GSE1: variants seen among roughly 807,000 people sequenced by gnomAD.
The protein encoded by GSE1 is genetic suppressor element 1.
In GSE1, 32 loss-of-function variants were observed where a neutral mutation model predicts 112.6. That is an observed-to-expected ratio of 0.28 (90% CI 0.21 to 0.38). The LOEUF (loss-of-function observed/expected upper bound fraction) is 0.38, where lower values mean the gene tolerates loss of function less well. GSE1 is among the 10% of genes least tolerant of loss of function. The probability of loss-of-function intolerance (pLI) is 1.00; values close to 1 mark genes in which losing one functional copy is unlikely to be tolerated. For synonymous variants in GSE1, 1,115 were observed against 735.6 expected (o/e 1.52, Z -8.35); for missense variants, 2,348 against 1,699.2 (o/e 1.38, Z -6.71).
At position 85,663,454 on chromosome 16, in the gene GSE1, G is replaced by A. The variant is rs779893256; in HGVS notation, c.2484G>A (p.Ser828=). 3.6e-5 allele frequency: 58 copies of A among 1,613,812 alleles called. 1 individual carries two copies. The highest frequency in any genetic ancestry group is 1.9e-4 in the South Asian group (17 of 91,076). Residue 828 remains serine, a synonymous_variant, in exon 11 of 16, where the codon TCG becomes TCA. Coordinates refer to ENST00000253458, the MANE Select transcript of GSE1 (RefSeq NM_014615.5). ...GGATGCTGCGAGAGAGAAGCCCGTCGCCCCCAACAATTCAGAGCAAGCGGC... is the reference window on the plus strand; with the variant it reads ...GGATGCTGCGAGAGAGAAGCCCGTCACCCCCAACAATTCAGAGCAAGCGGC... The part of the protein sequence containing the change: ...RRRMLRERSP[S]PPTIQSKRQT...
chr16:85,253,009 C>T (rs931571133), intron 1 of GSE1, among the ~76,000 whole-genome samples: 1 of 148,802 alleles, frequency 6.7e-6, no homozygotes, highest in African/African-American at 2.5e-5. Flanking sequence ...CCACTCCCCA[C>T]AGCTTGTAAG....
intron 2 of GSE1, among the ~76,000 whole-genome samples, chr16:85,433,977 G>C (rs1487411590): frequency 6.6e-6 from 1 of 152,160 alleles, no homozygotes; most frequent in African/African-American, 2.4e-5. Context: ...CTAGTGGAAA[G>C]GGGGACTAAC....
intron 2 of GSE1, among the ~76,000 whole-genome samples, chr16:85,432,953 C>G (rs949948245): frequency 6.6e-6 from 1 of 152,080 alleles, no homozygotes; most frequent in Non-Finnish European, 1.5e-5. Flanking sequence ...GATCTGGCAT[C>G]CAGAGGCCTA....
In GSE1 at chr16:85,602,692, C is replaced by G. The variant is rs369714689; in HGVS notation, c.38-45860C>G. On this transcript the variant is annotated intron_variant, in intron 1 of 2. Coordinates refer to the GSE1 transcript ENST00000635906. ...GGACCACGAAGCCAGAGGAAAGCCC[C>G]TCACCCAGCCTGAGGACAGCCGGTT... Among the ~76,000 whole-genome samples, 6 of 152,346 alleles carry G rather than the reference C, an allele frequency of 3.9e-5. No homozygotes were observed. The East Asian group carries it at 1.2e-3, about 29-fold the overall frequency.
At chr16:85,343,201 C>T (rs1274800471) in intron 1 of GSE1, among the ~76,000 whole-genome samples, 1 of 152,212 alleles carries the variant, frequency 6.6e-6, no homozygotes, top group Non-Finnish European at 1.5e-5. Flanking sequence ...GTGCACAGGG[C>T]AACCTGGGTG....
intron 2 of GSE1, among the ~76,000 whole-genome samples, chr16:85,443,161 T>TG (rs1449944401): frequency 2.0e-5 from 3 of 152,136 alleles, no homozygotes; most frequent in African/African-American, 4.8e-5. Flanking sequence ...TGAATGTGGT[T>TG]GGGGGGGCAC....
intron 1 of GSE1, among the ~76,000 whole-genome samples, chr16:85,614,045 C>T (rs948878838): frequency 6.6e-5 from 10 of 150,928 alleles, no homozygotes; most frequent in Non-Finnish European, 1.3e-4. Context: ...CGCTTCTCTC[C>T]TCTCTCTCCC....
chr16:85,333,500 C>T (rs1032791448), intron 1 of GSE1, among the ~76,000 whole-genome samples: 1 of 152,248 alleles, frequency 6.6e-6, no homozygotes, highest in Admixed American at 6.5e-5. Flanking sequence ...TTGCCCACCT[C>T]ACCCCCTTAG....
At chr16:85,556,749 G>GC (rs71153803) in intron 1 of GSE1, among the ~76,000 whole-genome samples, 851 of 84,218 alleles carry the variant, frequency 0.01, 16 homozygotes, top group African/African-American at 0.016. Context: ...CGGGTAGCAT[G>GC]CCCCCCCCCC....
intron 3 of GSE1, among the ~76,000 whole-genome samples, chr16:85,651,046 G>GCCCCTCCTCCCCCTCCC (rs2051300446): frequency 2.8e-5 from 1 of 35,620 alleles, no homozygotes; most frequent in African/African-American, 1.1e-4. Context: ...CTCCCCCTCC[G>GCCCCTCCTCCCCCTCCC]CCCCTCCTCC....
At chr16:85,483,670 C>T (rs1235597845) in intron 2 of GSE1, among the ~76,000 whole-genome samples, 3 of 152,288 alleles carry the variant, frequency 2.0e-5, no homozygotes, top group African/African-American at 7.2e-5. Context: ...GGCCGCACAC[C>T]TGAGAACATG....
At chr16:85,181,049 TGAACTTG>T (rs1308523376) in intron 1 of GSE1, among the ~76,000 whole-genome samples, 2 of 152,236 alleles carry the variant, frequency 1.3e-5, no homozygotes, top group Non-Finnish European at 2.9e-5. Flanking sequence ...TTCATGATGT[TGAACTTG>T]GAAAGCTTAG....
rs1490203450 is a variant in GSE1 at position 85,559,574 on chromosome 16, A to G, written c.37+3211A>G. ...AGCCATTGCCCCAGGGGCAGTTCAC[A>G]GTCAGGCTGGCATCAGGCACCCGCT... On this transcript the variant is annotated intron_variant, in intron 1 of 2. Transcript: ENST00000635906. Among the ~76,000 whole-genome samples the G allele has an allele frequency of 2.6e-5, 4 of 152,238 alleles. No individual in the cohort carries two copies. In the East Asian group the frequency reaches 7.7e-4, roughly 29 times the overall value.
intron 2 of GSE1, among the ~76,000 whole-genome samples, chr16:85,430,459 A>C (rs947048668): frequency 1.3e-5 from 2 of 152,218 alleles, no homozygotes; most frequent in Non-Finnish European, 2.9e-5. Flanking sequence ...CAAGAGGGAC[A>C]CAGGTGGGAA....
intron 13 of GSE1, among the ~76,000 whole-genome samples, chr16:85,667,149 T>TCGAAACTTCAGAATAC (rs1447348914): frequency 5.3e-5 from 8 of 151,130 alleles, no homozygotes; most frequent in African/African-American, 2.0e-4. Flanking sequence ...GAGATGCCTT[T>TCGAAACTTCAGAATAC]CGAAACTTCA....
intron 2 of GSE1, among the ~76,000 whole-genome samples, chr16:85,479,188 ATTTTTTTTTTT>A (rs59825091): frequency 1.3e-3 from 107 of 82,478 alleles, no homozygotes; most frequent in Middle Eastern, 0.012. Flanking sequence ...TGCCCGGCTA[ATTTTTTTTTTT>A]TTTTTTTTTT....
chr16:85,348,740 G>A (rs980888456), intron 1 of GSE1, among the ~76,000 whole-genome samples: 3 of 152,120 alleles, frequency 2.0e-5, no homozygotes, highest in Admixed American at 6.5e-5. Flanking sequence ...CATGTGTTTC[G>A]TGGATTGTCC....
intron 2 of GSE1, among the ~76,000 whole-genome samples, chr16:85,524,978 C>G (rs1022205143): frequency 6.6e-6 from 1 of 152,184 alleles, no homozygotes; most frequent in Non-Finnish European, 1.5e-5. Flanking sequence ...ATGCCCGCTT[C>G]CCCTTTCCCC....
At chr16:85,481,685 C>G (rs1413086517) in intron 2 of GSE1, among the ~76,000 whole-genome samples, 1 of 152,180 alleles carries the variant, frequency 6.6e-6, no homozygotes, top group Non-Finnish European at 1.5e-5. Flanking sequence ...CCCAGCAGCT[C>G]CTTTTGACCT....
Sources: allele counts gnomAD v4.1 joint callset (sites outside exome capture counted in the v4.1 genomes callset), GRCh38; gene constraint gnomAD v4.1.1; transcripts MANE v1.5; gene names NCBI Gene and HGNC (gene_info 2026-07-23, HGNC 2026-07-21).